Variants in SLC4A4 observed in about 807,000 individuals in gnomAD.
SLC4A4 encodes the protein solute carrier family 4 member 4, also known as electrogenic sodium bicarbonate cotransporter 1.
In SLC4A4, 27 loss-of-function variants were observed where a neutral mutation model predicts 111.5. The ratio of observed to expected loss-of-function variants is 0.24; its 90% CI spans 0.18 to 0.33. The LOEUF is 0.33. Among genes scored for constraint, SLC4A4 ranks in the 10% least tolerant of loss-of-function variants. The probability of loss-of-function intolerance (pLI) is 1.00; values close to 1 mark genes in which losing one functional copy is unlikely to be tolerated. For synonymous variants in SLC4A4, 443 were observed against 463.4 expected, an observed-to-expected ratio of 0.96 and a Z score of 0.57; for missense variants, 909 against 1,315.5, an observed-to-expected ratio of 0.69 and a Z score of 4.78.
intron 2 of SLC4A4, among the ~76,000 whole-genome samples, chr4:71,171,665 G>A (rs1032494814): frequency 1.3e-5 from 2 of 152,178 alleles, no homozygotes; most frequent in Admixed American, 6.5e-5. Context: ...GCTAAAGCAA[G>A]ATTATGAAAG....
At chr4:71,182,371 G>T (rs1745320438), upstream of SLC4A4, among the ~76,000 whole-genome samples, 1 of 152,164 alleles carries the variant, frequency 6.6e-6, no homozygotes, top group African/African-American at 2.4e-5. Context: ...GAGTCTGGTA[G>T]ATGGGTACTA....
At chr4:71,279,356 C>T (rs374749619) in intron 3 of SLC4A4, among the ~76,000 whole-genome samples, 2 of 152,082 alleles carry the variant, frequency 1.3e-5, no homozygotes, top group African/African-American at 4.8e-5. Flanking sequence ...GTCTTTGTGC[C>T]TGGCTTATTC....
intron 25 of SLC4A4, 106 bp from the exon 26 acceptor site, chr4:71,567,682 G>T (rs1057391447): frequency 7.2e-6 from 4 of 553,398 alleles, no homozygotes; most frequent in African/African-American, 2.0e-5. Context: ...AATATTAAAA[G>T]AGAACAAAGA....
At chr4:71,342,134 T>C (rs1728947922) in intron 4 of SLC4A4, among the ~76,000 whole-genome samples, 2 of 152,340 alleles carry the variant, frequency 1.3e-5, no homozygotes, top group South Asian at 2.1e-4. Flanking sequence ...TGTAATACTT[T>C]CTTTTGAAGC....
intron 1 of SLC4A4, among the ~76,000 whole-genome samples, chr4:71,085,176 T>C (rs1046733444): frequency 1.3e-5 from 2 of 152,146 alleles, no homozygotes; most frequent in Admixed American, 6.5e-5. Context: ...CATTTTTTCA[T>C]GTGTCTTTTG....
chr4:71,425,354 G>C (rs1723027267), intron 7 of SLC4A4, among the ~76,000 whole-genome samples: 2 of 152,144 alleles, frequency 1.3e-5, no homozygotes, highest in Non-Finnish European at 2.9e-5. Flanking sequence ...CAGGCTGGTG[G>C]TTGTACTAGG....
At chr4:71,077,437 C>T (rs986862517) in intron 1 of SLC4A4, among the ~76,000 whole-genome samples, 2 of 152,196 alleles carry the variant, frequency 1.3e-5, no homozygotes, top group East Asian at 1.9e-4. Context: ...GCTGGGATTA[C>T]AGGCATGAGC....
upstream of SLC4A4, among the ~76,000 whole-genome samples, chr4:71,186,201 C>T (rs951951091): frequency 6.6e-6 from 1 of 152,206 alleles, no homozygotes; most frequent in Non-Finnish European, 1.5e-5. Context: ...CAAATAATCA[C>T]TTTGCTAAGG....
intron 5 of SLC4A4, among the ~76,000 whole-genome samples, 159 bp from the exon 6 acceptor site, chr4:71,356,849 A>G (rs925943486): frequency 6.6e-6 from 1 of 152,210 alleles, no homozygotes; most frequent in African/African-American, 2.4e-5. Context: ...ATATCTGTGT[A>G]CCCTGTGTCT....
At chr4:71,442,068 AG>A (rs1351680297) in intron 8 of SLC4A4, among the ~76,000 whole-genome samples, 1 of 152,148 alleles carries the variant, frequency 6.6e-6, no homozygotes, top group East Asian at 1.9e-4. Context: ...TAACTTTACT[AG>A]GGGTTGAAAG....
At chr4:71,544,521 A>G (rs1395769507) in intron 18 of SLC4A4, among the ~76,000 whole-genome samples, 1 of 152,006 alleles carries the variant, frequency 6.6e-6, no homozygotes, top group Non-Finnish European at 1.5e-5. Context: ...GGGAGGAGGG[A>G]GAAAATTCTG....
chr4:71,503,084 G>C (rs944386677), intron 16 of SLC4A4, among the ~76,000 whole-genome samples: 2 of 151,842 alleles, frequency 1.3e-5, no homozygotes, highest in Non-Finnish European at 2.9e-5. Flanking sequence ...GACCTTCTTT[G>C]TCACTTTTTA....
chr4:71,325,844 G>A (rs1176450657), intron 3 of SLC4A4, among the ~76,000 whole-genome samples: 1 of 151,830 alleles, frequency 6.6e-6, no homozygotes, highest in Non-Finnish European at 1.5e-5. Context: ...AGAGCTTAAA[G>A]GTGGTTACTA....
chr4:71,413,454 A>G (rs760708552), intron 7 of SLC4A4, among the ~76,000 whole-genome samples: 7 of 152,236 alleles, frequency 4.6e-5, no homozygotes, highest in Non-Finnish European at 8.8e-5. Flanking sequence ...CCAAATAATC[A>G]GATATTAAAG....
At chr4:71,272,645 G>A (rs1406580310) in intron 3 of SLC4A4, among the ~76,000 whole-genome samples, 7 of 152,202 alleles carry the variant, frequency 4.6e-5, no homozygotes, top group Non-Finnish European at 8.8e-5. Context: ...TAAAAAGGCA[G>A]TTGGGTCAGC....
At chr4:71,500,981 A>G (rs1038956579) in intron 16 of SLC4A4, among the ~76,000 whole-genome samples, 3 of 152,052 alleles carry the variant, frequency 2.0e-5, no homozygotes, top group Non-Finnish European at 2.9e-5. Context: ...TACTTTTTCT[A>G]TTTGTGTAAA....
chr4:71,213,886 T>A (rs1435297381), intron 1 of SLC4A4, among the ~76,000 whole-genome samples: 1 of 152,178 alleles, frequency 6.6e-6, no homozygotes, highest in East Asian at 1.9e-4. Flanking sequence ...CACCTGGATC[T>A]TGGACGTCCA....
chr4:71,130,020 A>G (rs28377144), intron 2 of SLC4A4, among the ~76,000 whole-genome samples: 4,369 of 152,210 alleles, frequency 0.029, 81 homozygotes, highest in Middle Eastern at 0.058. Flanking sequence ...TTAAAAAACT[A>G]CCTATGGGGT....
chr4:71,069,263 C>G (rs1274853342), intron 1 of SLC4A4, among the ~76,000 whole-genome samples: 1 of 152,088 alleles, frequency 6.6e-6, no homozygotes, highest in African/African-American at 2.4e-5. Context: ...TTTAAAGAAA[C>G]TTTACAAGGA....
Sources: gnomAD v4.1 joint callset for allele counts (sites outside exome capture counted in the v4.1 genomes callset) on GRCh38, gnomAD v4.1.1 for gene constraint, MANE v1.5 for transcripts, NCBI Gene and HGNC (gene_info 2026-07-23, HGNC 2026-07-21) for gene names.